Variants in SHISA9 observed in about 807,000 individuals in gnomAD.
The protein encoded by SHISA9 is shisa family member 9.
Under a neutral mutation model 38.0 loss-of-function variants are expected in SHISA9, and 13 were observed. The ratio of observed to expected loss-of-function variants is 0.34; its 90% CI spans 0.22 to 0.54. The LOEUF (loss-of-function observed/expected upper bound fraction) is 0.54. SHISA9 is among the 20% of genes least tolerant of loss of function. The pLI, the probability that SHISA9 is intolerant of heterozygous loss-of-function variation, is 0.91. For missense variants in SHISA9, 538 were observed against 575.8 expected, an observed-to-expected ratio of 0.93 and a Z score of 0.67; for synonymous variants, 275 against 242.0, an observed-to-expected ratio of 1.14 and a Z score of -1.27.
chr16:12,932,345 A>G (rs1038220032), intron 2 of SHISA9, among the ~76,000 whole-genome samples: 2 of 151,920 alleles, frequency 1.3e-5, no homozygotes, highest in Admixed American at 6.6e-5. Flanking sequence ...GATTATCTAG[A>G]TTTTTTTCTT....
At chr16:13,196,972 T>C (rs1411787107) in intron 2 of SHISA9, among the ~76,000 whole-genome samples, 1 of 152,088 alleles carries the variant, frequency 6.6e-6, no homozygotes, top group Non-Finnish European at 1.5e-5. Flanking sequence ...TTCACACCTG[T>C]AATCCAGCTA....
chr16:13,275,511 T>G, the SHISA9 span, among the ~76,000 whole-genome samples: 5 of 152,140 alleles, frequency 3.3e-5, no homozygotes, highest in Non-Finnish European at 7.4e-5. Flanking sequence ...TTAAGAATAT[T>G]TGGATGTATG....
At chr16:13,286,247 G>A in the SHISA9 span, among the ~76,000 whole-genome samples, 1 of 152,014 alleles carries the variant, frequency 6.6e-6, no homozygotes, top group Admixed American at 6.6e-5. Flanking sequence ...CCCCAACCAC[G>A]CTGAGCACAT....
intron 2 of SHISA9, among the ~76,000 whole-genome samples, chr16:13,049,453 C>T (rs1399942120): frequency 1.3e-5 from 2 of 152,048 alleles, no homozygotes; most frequent in Non-Finnish European, 2.9e-5. Flanking sequence ...AATGGGGATT[C>T]ATCAGGAAAT....
the SHISA9 span, among the ~76,000 whole-genome samples, chr16:13,492,305 G>A: frequency 3.4e-3 from 519 of 152,252 alleles, no homozygotes; most frequent in Non-Finnish European, 6.3e-3. Flanking sequence ...CCTGGAATTG[G>A]AGCTGGGAAG....
chr16:12,913,192 CT>C (rs1342584440), intron 1 of SHISA9, among the ~76,000 whole-genome samples: 1 of 151,868 alleles, frequency 6.6e-6, no homozygotes. Context: ...GTCATTACTT[CT>C]TTTTTTTGGC....
chr16:13,045,969 G>C (rs1444006846), intron 2 of SHISA9, among the ~76,000 whole-genome samples: 1 of 152,170 alleles, frequency 6.6e-6, no homozygotes, highest in Admixed American at 6.5e-5. Flanking sequence ...GTTTAAATTT[G>C]TAACTCTCTC....
intron 2 of SHISA9, among the ~76,000 whole-genome samples, chr16:12,990,285 T>C (rs1026442743): frequency 6.6e-6 from 1 of 152,206 alleles, no homozygotes; most frequent in African/African-American, 2.4e-5. Context: ...TTATATTCCT[T>C]TGGGCATATA....
the SHISA9 span, among the ~76,000 whole-genome samples, chr16:13,352,394 T>G: frequency 6.6e-6 from 1 of 152,148 alleles, no homozygotes; most frequent in East Asian, 1.9e-4. Flanking sequence ...GAAGTTCAAG[T>G]CAACAGCAAA....
intron 2 of SHISA9, among the ~76,000 whole-genome samples, chr16:13,118,730 CTTTTT>C (rs34471353): frequency 3.6e-4 from 47 of 130,760 alleles, no homozygotes; most frequent in African/African-American, 1.0e-3. Context: ...TTTCTTTTTT[CTTTTT>C]TTTTTTTTTT....
At chr16:13,339,739 G>C in the SHISA9 span, among the ~76,000 whole-genome samples, 3 of 152,272 alleles carry the variant, frequency 2.0e-5, no homozygotes, top group African/African-American at 7.2e-5. Flanking sequence ...CGAGTTAAAG[G>C]CTCTGCTACC....
At chr16:13,531,665 A>G in the SHISA9 span, among the ~76,000 whole-genome samples, 49 of 152,196 alleles carry the variant, frequency 3.2e-4, no homozygotes, top group Non-Finnish European at 6.3e-4. Flanking sequence ...AGCGATCACC[A>G]TGAGGTGGAG....
chr16:13,087,243 T>C (rs1195066682), intron 2 of SHISA9, among the ~76,000 whole-genome samples: 2 of 149,942 alleles, frequency 1.3e-5, no homozygotes, highest in African/African-American at 2.5e-5. Context: ...GACATTTGGG[T>C]TGGTTCCAAG....
intron 1 of SHISA9, chr16:12,908,521 C>G: frequency 6.4e-7 from 1 of 1,552,132 alleles, no homozygotes; most frequent in Non-Finnish European, 8.7e-7. Context: ...AGATTTCTTT[C>G]CAAGAGGACG....
chr16:13,047,299 C>T (rs898546082), intron 2 of SHISA9, among the ~76,000 whole-genome samples: 3 of 151,882 alleles, frequency 2.0e-5, no homozygotes, highest in African/African-American at 7.3e-5. Context: ...GGCCAGCAGG[C>T]TGTCCATTCC....
the SHISA9 span, among the ~76,000 whole-genome samples, chr16:13,360,516 C>T: frequency 6.6e-6 from 1 of 152,302 alleles, no homozygotes; most frequent in Non-Finnish European, 1.5e-5. Flanking sequence ...CTTCACTTGG[C>T]TCTCGTTCTT....
chr16:13,128,570 A>G (rs1002846480), intron 2 of SHISA9, among the ~76,000 whole-genome samples: 1 of 152,222 alleles, frequency 6.6e-6, no homozygotes, highest in African/African-American at 2.4e-5. Flanking sequence ...GATGGGGCAT[A>G]TAACACTCTT....
chr16:13,102,302 C>T (rs890277693), intron 2 of SHISA9, among the ~76,000 whole-genome samples: 1 of 152,182 alleles, frequency 6.6e-6, no homozygotes, highest in Admixed American at 6.5e-5. Context: ...ACATCCAGGT[C>T]ACAGGATAGA....
At chr16:12,939,030 G>A (rs1296175481) in intron 2 of SHISA9, among the ~76,000 whole-genome samples, 1 of 152,078 alleles carries the variant, frequency 6.6e-6, no homozygotes, top group East Asian at 1.9e-4. Flanking sequence ...AACTCCATCA[G>A]GAAGTAGTTT....
Sources: gnomAD v4.1 joint callset for allele counts (sites outside exome capture counted in the v4.1 genomes callset) on GRCh38, gnomAD v4.1.1 for gene constraint, MANE v1.5 for transcripts, NCBI Gene and HGNC (gene_info 2026-07-23, HGNC 2026-07-21) for gene names.